Variants in SART1 observed in about 807,000 individuals in gnomAD.
SART1 encodes the protein U4/U6.U5 tri-snRNP-associated protein 1.
SART1 carries 28 observed loss-of-function variants against 105.0 expected under a neutral mutation model. The observed-to-expected ratio is 0.27, with a 90% CI of 0.20 to 0.37. SART1 has a LOEUF of 0.37. SART1 is among the 10% of genes least tolerant of loss of function. The probability of loss-of-function intolerance (pLI) is 1.00; values close to 1 mark genes in which losing one functional copy is unlikely to be tolerated. For synonymous variants in SART1, 472 were observed against 462.9 expected, an observed-to-expected ratio of 1.02 and a Z score of -0.25; for missense variants, 894 against 1,106.5, an observed-to-expected ratio of 0.81 and a Z score of 2.72.
chr11:65,975,189 G>T (rs1042723955), intron 12 of SART1, among the ~76,000 whole-genome samples: 6 of 144,934 alleles, frequency 4.1e-5, no homozygotes, highest in African/African-American at 1.3e-4. Flanking sequence ...CCATAGCCTC[G>T]GCCTCCAGGC....
At position 65,978,462 on chromosome 11, in the gene SART1, C is replaced by T; in HGVS notation, c.2173-138C>T. 1.2e-6 allele frequency: 1 copy of T among 805,064 alleles called. No homozygotes were observed. The highest frequency in any genetic ancestry group is 2.7e-5 in the East Asian group (1 of 37,236). 49.9% of individuals were successfully genotyped at this position (805,064 alleles called of 1,614,324 possible). On this transcript the variant is annotated intron_variant, in intron 17 of 19. Coordinates refer to ENST00000312397, the MANE Select transcript of SART1 (RefSeq NM_005146.5). This position sits in a 1 kb window ranked among gnomAD's most constrained non-coding sequence, Gnocchi z 6.8. Reference sequence around the variant, plus strand: ...AGGGTGCCAGCGTCTGTGCTCTTTTCCCATCCCCTTCCCACTGCACCCCAG... The same window carrying T: ...AGGGTGCCAGCGTCTGTGCTCTTTTTCCATCCCCTTCCCACTGCACCCCAG...
In SART1 at chr11:65,979,457, C is replaced by T. The variant is rs1477648584; in HGVS notation, c.*427C>T. The T allele has an allele frequency of 4.2e-6, 1 of 236,856 alleles. No individual in the cohort carries two copies. Among genetic ancestry groups the T allele is most frequent in the Non-Finnish European group, 8.3e-6 (1 of 119,936 alleles). 14.7% of individuals were successfully genotyped at this position (236,856 alleles called of 1,614,324 possible). A position where few individuals can be genotyped will look rare whatever the true frequency, so the allele number is the denominator to read the frequency against. Reference sequence around the variant, plus strand: ...TTGGGTAGGGCACAGGTGCCACCTTCTGTCCTGGCTGTCCTGTGCCACCCT... The same window carrying T: ...TTGGGTAGGGCACAGGTGCCACCTTTTGTCCTGGCTGTCCTGTGCCACCCT... On this transcript the variant is annotated 3_prime_UTR_variant, in exon 20 of 20. Transcript: ENST00000312397.
chr11:65,965,608 C>T, intron 5 of SART1, 94 bp from the exon 6 acceptor site: 1 of 1,397,266 alleles, frequency 7.2e-7, no homozygotes, highest in Non-Finnish European at 9.9e-7. Flanking sequence ...CCTGCAAGGC[C>T]TGCCCTTTTT....
At chr11:65,967,202 T>G in intron 9 of SART1, 57 bp from the exon 10 acceptor site, 1 of 1,594,904 alleles carries the variant, frequency 6.3e-7, no homozygotes, top group East Asian at 2.2e-5. Flanking sequence ...CTCGAGGGCT[T>G]GTGGCGACCT....
Position 65,965,905 on chromosome 11 carries a change from G to C in SART1, c.757G>C (p.Asp253His). 1.2e-6 allele frequency: 2 copies of C among 1,614,148 alleles called. No homozygotes were observed. Reference protein sequence around the residue: ...QRRQDLYSARDLQGLTVEHAI... With the variant: ...QRRQDLYSARHLQGLTVEHAI... ...CCCTTAGGACCTGTACAGTGCCCGG[G>C]ACCTGCAGGGCCTCACCGTGGAGCA... The change falls in exon 7 of 20, where the codon GAC becomes CAC. Residue 253 changes from aspartate (D) to histidine (H), a missense_variant. Asp to His is a moderately conservative substitution (Grantham distance 81). Transcript: ENST00000312397.
intron 1 of SART1, among the ~76,000 whole-genome samples, chr11:65,962,341 G>A (rs1234927706): frequency 6.6e-6 from 1 of 152,218 alleles, no homozygotes; most frequent in Non-Finnish European, 1.5e-5. Context: ...AAAGAAAAAA[G>A]TCTTTCTACG....
intron 1 of SART1, among the ~76,000 whole-genome samples, chr11:65,963,473 T>TG (rs1855185292): frequency 6.7e-6 from 1 of 149,880 alleles, no homozygotes; most frequent in Non-Finnish European, 1.5e-5. Context: ...AAGGAAGAGT[T>TG]TTTTTTTTGT....
At chr11:65,964,303 A>G (rs977750661) in intron 2 of SART1, 172 bp downstream of exon 2, 2 of 831,472 alleles carry the variant, frequency 2.4e-6, no homozygotes, top group Non-Finnish European at 4.0e-6. Flanking sequence ...CCTAAGAGTA[A>G]AGTGGCATTC....
Position 65,979,764 on chromosome 11 carries a change from A to G in SART1, c.*734A>G, listed in dbSNP as rs1471995503. On this transcript the variant is annotated 3_prime_UTR_variant, in exon 20 of 20. Transcript: ENST00000312397. The stretch of plus-strand genomic sequence containing the variant: ...CACATACTTCTCAGATGGCTCCCAC[A>G]TTTTAAGATTTTAAAAATGAAACCA... The G allele has an allele frequency of 6.6e-6, 1 of 152,212 alleles. No homozygotes were observed. Among genetic ancestry groups the G allele is most frequent in the Non-Finnish European group, 1.5e-5 (1 of 68,044 alleles). 9.4% of individuals were successfully genotyped at this position (152,212 alleles called of 1,614,324 possible).
rs181767417 is a variant in SART1, at chr11:65,962,453, T to C, written c.313+360T>C. ...GGTACAATCAGATTCTCAATAAATA[T>C]GTTGAATGAGTGAATGAAGTAGTGT... On this transcript the variant is annotated intron_variant, in intron 1 of 19. Coordinates refer to ENST00000312397, the MANE Select transcript of SART1 (RefSeq NM_005146.5). Among the ~76,000 whole-genome samples the C allele has an allele frequency of 1.5e-3, 229 of 152,282 alleles. 1 individual carries two copies. Among genetic ancestry groups the C allele is most frequent in the Non-Finnish European group, 2.9e-3 (196 of 68,020 alleles).
chr11:65,963,933 G>A (rs1855196241), intron 1 of SART1, 141 bp from the exon 2 acceptor site: 1 of 676,100 alleles, frequency 1.5e-6, no homozygotes. Flanking sequence ...AGCTTGGGTG[G>A]AAGAAGCTGC....
chr11:65,970,760 G>A (rs1180004383), intron 12 of SART1, among the ~76,000 whole-genome samples: 3 of 147,050 alleles, frequency 2.0e-5, no homozygotes, highest in Non-Finnish European at 4.5e-5. Flanking sequence ...TTCATGAGCT[G>A]AGGAGGGGGA....
rs756865808 is a variant in SART1, at chr11:65,978,766, C to G, written c.2263-27C>G. 1.2e-6 allele frequency: 2 copies of G among 1,613,880 alleles called. No individual in the cohort carries two copies. Among genetic ancestry groups the G allele is most frequent in the Non-Finnish European group, 1.7e-6 (2 of 1,179,886 alleles). On this transcript the variant is annotated intron_variant, in intron 18 of 19. Transcript: ENST00000312397. This position sits in a 1 kb window ranked among gnomAD's most constrained non-coding sequence, Gnocchi z 6.8. ...GCTGGTGTGTGGGGCCTGCTGCAGCCCTTTCTGAGTGGCCCCGACCCCTCA... is the reference window on the plus strand; with the variant it reads ...GCTGGTGTGTGGGGCCTGCTGCAGCGCTTTCTGAGTGGCCCCGACCCCTCA...
Position 65,967,728 on chromosome 11 carries a change from C to G in SART1, c.1479C>G (p.Asp493Glu), listed in dbSNP as rs755089739. The G allele has an allele frequency of 6.4e-7, 1 of 1,556,386 alleles. No individual in the cohort carries two copies. Among genetic ancestry groups the G allele is most frequent in the Non-Finnish European group, 8.7e-7 (1 of 1,150,172 alleles). Residue 493 changes from aspartate to glutamate, a missense_variant, in exon 12 of 20, where the codon GAC (aspartate) becomes GAG (glutamate). By Grantham distance (45) the Asp-to-Glu change is conservative (BLOSUM62 2). Around this residue, in one of 2 missense-constraint regions of SART1, gnomAD observed 712 missense variants for 778.2 expected, o/e 0.91. Transcript: ENST00000312397. ...PPGSPQVLEE[D>E]EAELELQKQL... ...GGTCCCCGCAGGTGCTGGAGGAGGA[C>G]GAGGCGGAGCTGGAGCTGCAGAAGC...
chr11:65,974,909 G>A (rs1328417760), intron 12 of SART1, among the ~76,000 whole-genome samples: 2 of 150,644 alleles, frequency 1.3e-5, no homozygotes, highest in African/African-American at 2.4e-5. Flanking sequence ...GCGTGGTGGC[G>A]GGCGCCTGTA....
chr11:65,973,444 C>T (rs1356170325), intron 12 of SART1, among the ~76,000 whole-genome samples: 1 of 152,154 alleles, frequency 6.6e-6, no homozygotes, highest in Non-Finnish European at 1.5e-5. Flanking sequence ...GGAGGGATCA[C>T]AGAAAGGTGA....
Position 65,965,394 on chromosome 11 carries a change from T to C in SART1, c.607T>C (p.Trp203Arg). The C allele has an allele frequency of 6.3e-7, 1 of 1,580,216 alleles. No individual in the cohort carries two copies. Among genetic ancestry groups the C allele is most frequent in the East Asian group, 2.3e-5 (1 of 42,834 alleles). ...CCCCTGGCTGGACGACACTGCAGCC[T>C]GGATCGAGAGGAGCCGGCAGCTGCA... ...DDPWLDDTAA[W>R]IERSRQLQKE... The change falls in exon 5 of 20, where the codon TGG becomes CGG. Residue 203 changes from tryptophan to arginine, a missense_variant. Coordinates refer to ENST00000312397, the MANE Select transcript of SART1 (RefSeq NM_005146.5).
Position 65,966,223 on chromosome 11 carries a change from G to A in SART1, c.981+5G>A, listed in dbSNP as rs1321604501. The A allele has an allele frequency of 3.7e-6, 6 of 1,613,784 alleles. No individual in the cohort carries two copies. The highest frequency in any genetic ancestry group is 2.2e-5 in the East Asian group (1 of 44,882). ...AGCGTGGACGACCTGGCGCAGGCAC[G>A]GCCTGGGCAGGCTGGGTGGCGGGGG... is the stretch of plus-strand genomic sequence containing the variant. On this transcript the variant is annotated splice_donor_5th_base_variant and intron_variant, in intron 8 of 19. Transcript: ENST00000312397.
rs187186669 is a variant in SART1 at position 65,961,759 on chromosome 11, G to A, written c.-22G>A. On this transcript the variant is annotated 5_prime_UTR_variant, in exon 1 of 20. Coordinates refer to ENST00000312397, the MANE Select transcript of SART1 (RefSeq NM_005146.5). ...CGTTGTCTGGGCTCGGCGGCAGCCG[G>A]GCTCGGAGTGGACGTGCCACTATGG... 1.4e-6 allele frequency: 2 copies of A among 1,475,928 alleles called. No homozygotes were observed. The highest frequency in any genetic ancestry group is 1.5e-5 in the African/African-American group (1 of 67,580). 91.4% of individuals were successfully genotyped at this position (1,475,928 alleles called of 1,614,324 possible). A position where few individuals can be genotyped will look rare whatever the true frequency, so the allele number is the denominator to read the frequency against.
Sources: gnomAD v4.1 joint callset for allele counts (sites outside exome capture counted in the v4.1 genomes callset) on GRCh38, gnomAD v4.1.1 for gene constraint, gnomAD v4.1.1 regional missense constraint, Gnocchi (gnomAD v3.1) non-coding constraint, MANE v1.5 for transcripts, NCBI Gene and HGNC (gene_info 2026-07-23, HGNC 2026-07-21) for gene names.